Variants in AP2B1 observed in about 807,000 individuals in gnomAD.
The protein encoded by AP2B1 is AP-2 complex subunit beta.
In AP2B1, 23 loss-of-function variants were observed where a neutral mutation model predicts 102.0. That is an observed-to-expected ratio of 0.23 (90% CI 0.16 to 0.32). The LOEUF (loss-of-function observed/expected upper bound fraction) is 0.32. Ranked by LOEUF, AP2B1 falls within the 10% of genes least tolerant of loss-of-function variation. AP2B1 has a pLI of 1.00. For missense variants in AP2B1, 541 were observed against 1,157.4 expected, an observed-to-expected ratio of 0.47 and a Z score of 7.73; for synonymous variants, 381 against 421.2, an observed-to-expected ratio of 0.90 and a Z score of 1.17.
At chr17:35,697,909 G>A (rs1053509275) in intron 18 of AP2B1, among the ~76,000 whole-genome samples, 6 of 151,980 alleles carry the variant, frequency 3.9e-5, no homozygotes, top group Non-Finnish European at 7.4e-5. Context: ...GCAGTGAGCT[G>A]AGATCCCACC....
At chr17:35,706,147 T>G (rs1156552271) in intron 18 of AP2B1, among the ~76,000 whole-genome samples, 1 of 152,144 alleles carries the variant, frequency 6.6e-6, no homozygotes, top group Admixed American at 6.5e-5. Context: ...CTCCTGAAAT[T>G]CTATGGCAAA....
chr17:35,675,112 C>G (rs1345621252), intron 17 of AP2B1, among the ~76,000 whole-genome samples: 1 of 152,234 alleles, frequency 6.6e-6, no homozygotes, highest in East Asian at 1.9e-4. Context: ...TGACAACCTC[C>G]TTTTAGCAAT....
chr17:35,670,298 CT>C (rs1327808755), intron 14 of AP2B1, among the ~76,000 whole-genome samples: 2 of 152,166 alleles, frequency 1.3e-5, no homozygotes. Flanking sequence ...CTAAAAATCA[CT>C]TTTGTTCCAC....
intron 14 of AP2B1, among the ~76,000 whole-genome samples, chr17:35,659,083 A>G (rs2075300891): frequency 6.6e-6 from 1 of 152,220 alleles, no homozygotes; most frequent in Non-Finnish European, 1.5e-5. Flanking sequence ...GCTTCCTCAT[A>G]TGATCATTCT....
intron 18 of AP2B1, among the ~76,000 whole-genome samples, chr17:35,695,711 G>T (rs1450107036): frequency 6.6e-6 from 1 of 152,056 alleles, no homozygotes; most frequent in Admixed American, 6.5e-5. Context: ...TATAGTTTCA[G>T]TTGCCAGAAA....
At chr17:35,603,758 G>A (rs895219417) in intron 3 of AP2B1, among the ~76,000 whole-genome samples, 2 of 152,278 alleles carry the variant, frequency 1.3e-5, no homozygotes, top group Admixed American at 6.5e-5. Flanking sequence ...TTTAAAAAGC[G>A]TAACTGAAGT....
At chr17:35,674,425 C>CCAAT in intron 17 of AP2B1, 104 bp downstream of exon 17, 1 of 1,367,238 alleles carries the variant, frequency 7.3e-7, no homozygotes. Context: ...CATATTGGGC[C>CCAAT]AGGTACAGTG....
intron 9 of AP2B1, among the ~76,000 whole-genome samples, chr17:35,632,825 A>G (rs1471728319): frequency 2.0e-5 from 3 of 152,054 alleles, no homozygotes; most frequent in Non-Finnish European, 2.9e-5. Flanking sequence ...TATGAGCTTT[A>G]TATCAAGCAC....
chr17:35,612,099 C>T (rs745693096), intron 5 of AP2B1, among the ~76,000 whole-genome samples: 7 of 152,184 alleles, frequency 4.6e-5, no homozygotes, highest in Non-Finnish European at 7.3e-5. Context: ...AGGGTGTCAG[C>T]ATTAGATAGC....
At chr17:35,609,182 C>G (rs1029553800) in intron 5 of AP2B1, among the ~76,000 whole-genome samples, 1 of 152,012 alleles carries the variant, frequency 6.6e-6, no homozygotes, top group Non-Finnish European at 1.5e-5. Context: ...AATTATTTAT[C>G]TATCTATTTA....
rs201340096 is a variant in AP2B1 at position 35,605,672 on chromosome 17, A to G, written c.144-33A>G. The G allele has an allele frequency of 4.6e-4, 710 of 1,530,972 alleles. 2 individuals are homozygous for G. In the African/African-American group the frequency reaches 7.6e-3, roughly 16 times the overall value. The allele number at this position is 1,530,972 out of a possible 1,614,324, so 94.8% of individuals were successfully genotyped here. On this transcript the variant is annotated intron_variant, in intron 3 of 21. Coordinates refer to ENST00000610402, the MANE Select transcript of AP2B1 (RefSeq NM_001030006.2). ...AACAGCTTGGCACCAACACCTGCTT[A>G]CTTTCCTTTTCTCTTTTACCCTCTC...
chr17:35,596,078 C>G (rs191783454), intron 2 of AP2B1, among the ~76,000 whole-genome samples: 37 of 152,234 alleles, frequency 2.4e-4, no homozygotes, highest in African/African-American at 8.7e-4. Context: ...ATTGTGTTCC[C>G]TGTACTTCCT....
chr17:35,616,966 A>C (rs1296988096), intron 5 of AP2B1, among the ~76,000 whole-genome samples: 1 of 152,190 alleles, frequency 6.6e-6, no homozygotes, highest in African/African-American at 2.4e-5. Flanking sequence ...CTATCGTAGG[A>C]TTGTTGTGAA....
Position 35,625,325 on chromosome 17 carries a change from G to A in AP2B1, c.716+738G>A, listed in dbSNP as rs115975917. 2.2e-3 allele frequency among the ~76,000 whole-genome samples: 338 copies of A among 152,340 alleles called. 1 individual carries two copies. The highest frequency in any genetic ancestry group is 7.9e-3 in the African/African-American group (330 of 41,576). On this transcript the variant is annotated intron_variant, in intron 6 of 21. Coordinates refer to ENST00000610402, the MANE Select transcript of AP2B1 (RefSeq NM_001030006.2). ...TTTAAGAACTGGTCTGGCTGAAGCTGATTTCCAAGCTACTAGAATGTAAGT... is the reference window on the plus strand; with the variant it reads ...TTTAAGAACTGGTCTGGCTGAAGCTAATTTCCAAGCTACTAGAATGTAAGT...
intron 15 of AP2B1, among the ~76,000 whole-genome samples, chr17:35,671,161 G>A (rs2075579324): frequency 6.6e-6 from 1 of 152,134 alleles, no homozygotes. Context: ...AGAGCTAAAG[G>A]AAATGGACCC....
intron 3 of AP2B1, among the ~76,000 whole-genome samples, chr17:35,601,385 A>G (rs2073475216): frequency 6.6e-6 from 1 of 152,140 alleles, no homozygotes; most frequent in South Asian, 2.1e-4. Context: ...GCTGGAGTGC[A>G]GTGGCGCAAT....
chr17:35,707,355 G>C (rs1000578762), intron 18 of AP2B1, among the ~76,000 whole-genome samples: 5 of 151,526 alleles, frequency 3.3e-5, no homozygotes, highest in African/African-American at 1.2e-4. Context: ...GTTTCACCAT[G>C]TTGGCCAGGA....
intron 12 of AP2B1, among the ~76,000 whole-genome samples, chr17:35,645,447 A>T (rs1241365160): frequency 6.6e-6 from 1 of 152,202 alleles, no homozygotes; most frequent in African/African-American, 2.4e-5. Context: ...ATTATTAGTT[A>T]GGGGGAAAAA....
At chr17:35,668,482 A>G (rs930401432) in intron 14 of AP2B1, among the ~76,000 whole-genome samples, 1 of 152,140 alleles carries the variant, frequency 6.6e-6, no homozygotes, top group Non-Finnish European at 1.5e-5. Flanking sequence ...ACCCCCACAC[A>G]CAGATGGTTG....
Sources: allele counts gnomAD v4.1 joint callset (sites outside exome capture counted in the v4.1 genomes callset), GRCh38; gene constraint gnomAD v4.1.1; transcripts MANE v1.5; gene names NCBI Gene and HGNC (gene_info 2026-07-23, HGNC 2026-07-21).